Variants in RGS22 observed in about 807,000 individuals in gnomAD.
RGS22 encodes the protein regulator of G-protein signaling 22.
Under a neutral mutation model 172.9 loss-of-function variants are expected in RGS22, and 148 were observed. The observed-to-expected ratio is 0.86, with a 90% confidence interval of 0.75 to 0.98. The LOEUF is 0.98. Among genes scored for constraint, RGS22 ranks in the 50% least tolerant of loss-of-function variants. The pLI is 0.00. For missense variants in RGS22, 1,347 were observed against 1,440.8 expected (o/e 0.93, Z 1.05); for synonymous variants, 458 against 480.2 (o/e 0.95, Z 0.60).
intron 3 of RGS22, among the ~76,000 whole-genome samples, chr8:100,084,117 G>A (rs146915551): frequency 7.2e-5 from 11 of 152,200 alleles, no homozygotes; most frequent in African/African-American, 1.4e-4. Context: ...GATTACAGGC[G>A]TGAGCCACCA....
intron 23 of RGS22, among the ~76,000 whole-genome samples, chr8:99,976,215 A>G (rs1283855856): frequency 1.3e-5 from 2 of 152,176 alleles, no homozygotes; most frequent in Non-Finnish European, 2.9e-5. Flanking sequence ...AAAAATAAAA[A>G]TAAAAAGAAT....
chr8:99,987,409 G>A (rs28758904), intron 21 of RGS22, 49 bp downstream of exon 21: 227,791 of 1,383,314 alleles, frequency 0.16, 19,562 homozygotes, highest in South Asian at 0.24. Context: ...ACATTTTAAT[G>A]CATTTCCTCC....
chr8:100,095,152 T>C (rs1812866019), intron 2 of RGS22, among the ~76,000 whole-genome samples: 1 of 152,172 alleles, frequency 6.6e-6, no homozygotes, highest in African/African-American at 2.4e-5. Context: ...AGATTCTAAC[T>C]CAATGAACTA....
chr8:100,009,189 G>A (rs1201869869), intron 14 of RGS22, among the ~76,000 whole-genome samples: 1 of 152,094 alleles, frequency 6.6e-6, no homozygotes, highest in Non-Finnish European at 1.5e-5. Flanking sequence ...AGGCCAAGGC[G>A]GGTGGATCGC....
chr8:100,002,597 T>C (rs1220674605), intron 17 of RGS22, among the ~76,000 whole-genome samples: 1 of 152,130 alleles, frequency 6.6e-6, no homozygotes, highest in Non-Finnish European at 1.5e-5. Context: ...CAAAGGAATT[T>C]TGGGATCAGA....
At chr8:100,067,303 TAG>T (rs1810601133) in intron 6 of RGS22, among the ~76,000 whole-genome samples, 1 of 152,158 alleles carries the variant, frequency 6.6e-6, no homozygotes, top group South Asian at 2.1e-4. Flanking sequence ...CCATCCCTCT[TAG>T]AGGTAAGGTT....
chr8:99,994,306 G>A (rs1386934685), intron 20 of RGS22, among the ~76,000 whole-genome samples: 1 of 152,160 alleles, frequency 6.6e-6, no homozygotes, highest in Non-Finnish European at 1.5e-5. Context: ...ATTCAAGTAG[G>A]AAAAGAGGAA....
chr8:100,059,464 C>CAA (rs534777996), intron 9 of RGS22, among the ~76,000 whole-genome samples: 2 of 110,568 alleles, frequency 1.8e-5, no homozygotes, highest in African/African-American at 6.7e-5. Context: ...TCAATGGAAA[C>CAA]AAAAAAAAAA....
intron 19 of RGS22, among the ~76,000 whole-genome samples, chr8:99,998,435 G>A (rs1188709052): frequency 6.6e-6 from 1 of 152,120 alleles, no homozygotes; most frequent in Non-Finnish European, 1.5e-5. Flanking sequence ...GCTGGGCACT[G>A]TGGAACTTTC....
In RGS22 at chr8:99,962,915, G is replaced by C; in HGVS notation, c.3679C>G (p.Gln1227Glu). The C allele has an allele frequency of 6.2e-7, 1 of 1,600,940 alleles. No individual in the cohort carries two copies. Among genetic ancestry groups the C allele is most frequent in the South Asian group, 1.2e-5 (1 of 86,954 alleles). Residue 1227 changes from glutamine to glutamate, a missense_variant, in exon 25 of 28, where the codon CAA becomes GAA. Transcript: ENST00000360863. ...AACAACTTTTTTTCTAGTTCTTCTT[G>C]GATCTTAAGAAGAATTCTCTCCTGT... ...LEQERILLKI[Q>E]EELEKKLFAG...
intron 14 of RGS22, among the ~76,000 whole-genome samples, chr8:100,015,511 T>C (rs1420392114): frequency 6.6e-6 from 1 of 152,172 alleles, no homozygotes; most frequent in Non-Finnish European, 1.5e-5. Flanking sequence ...CAGGCTGGTC[T>C]TGAGCTCCTG....
intron 3 of RGS22, 48 bp from the exon 4 acceptor site, chr8:100,080,403 C>T: frequency 1.5e-6 from 2 of 1,345,742 alleles, no homozygotes; most frequent in South Asian, 1.3e-5. Context: ...AACCTGGAAA[C>T]TCATGGTCTC....
intron 10 of RGS22, among the ~76,000 whole-genome samples, chr8:100,049,921 T>A (rs1821101998): frequency 6.6e-6 from 1 of 151,686 alleles, no homozygotes; most frequent in Non-Finnish European, 1.5e-5. Flanking sequence ...TGGTGGTGGG[T>A]GCCTGTAGTA....
chr8:100,031,504 AT>A (rs1416015029), intron 14 of RGS22, among the ~76,000 whole-genome samples: 2 of 151,578 alleles, frequency 1.3e-5, no homozygotes, highest in Non-Finnish European at 2.9e-5. Context: ...TAATTACTAC[AT>A]TTTCCATATA....
At chr8:99,971,596 AG>A (rs1811358421) in intron 23 of RGS22, among the ~76,000 whole-genome samples, 2 of 152,214 alleles carry the variant, frequency 1.3e-5, no homozygotes, top group African/African-American at 4.8e-5. Flanking sequence ...ACAAACAGAG[AG>A]CCAAATCATG....
At chr8:100,015,865 T>C (rs1488728455) in intron 14 of RGS22, among the ~76,000 whole-genome samples, 1 of 152,248 alleles carries the variant, frequency 6.6e-6, no homozygotes, top group Non-Finnish European at 1.5e-5. Context: ...TATTTTGCTC[T>C]AGCCACGGGG....
intron 9 of RGS22, among the ~76,000 whole-genome samples, chr8:100,058,227 A>C (rs932224402): frequency 5.9e-5 from 9 of 152,226 alleles, no homozygotes; most frequent in South Asian, 2.1e-4. Flanking sequence ...CAAAAGGGCA[A>C]ATCTAAGAGT....
At chr8:99,980,692 T>G (rs551513722) in intron 22 of RGS22, among the ~76,000 whole-genome samples, 8 of 152,262 alleles carry the variant, frequency 5.3e-5, no homozygotes, top group African/African-American at 1.9e-4. Context: ...CAGGTAGAAG[T>G]CATAGGCTAG....
chr8:99,974,617 G>C (rs1027489407), intron 23 of RGS22, among the ~76,000 whole-genome samples: 5 of 151,764 alleles, frequency 3.3e-5, no homozygotes, highest in Non-Finnish European at 7.4e-5. Context: ...GGCCAACATG[G>C]TGAAACCCCA....
Sources: allele counts gnomAD v4.1 joint callset (sites outside exome capture counted in the v4.1 genomes callset), GRCh38; gene constraint gnomAD v4.1.1; transcripts MANE v1.5; gene names NCBI Gene and HGNC (gene_info 2026-07-23, HGNC 2026-07-21).